ERG28: variants seen among roughly 807,000 people sequenced by gnomAD.
ERG28 encodes ergosterol biosynthesis 28 homolog.
In ERG28, 9 loss-of-function variants were observed where a neutral mutation model predicts 15.7. The observed-to-expected ratio is 0.57, with a 90% CI of 0.35 to 1.00. The LOEUF is 1.00. Among genes scored for constraint, ERG28 ranks in the 50% least tolerant of loss-of-function variants. The probability of loss-of-function intolerance (pLI) is 0.02; values close to 1 mark genes in which losing one functional copy is unlikely to be tolerated. For synonymous variants in ERG28, 61 were observed against 68.4 expected, an observed-to-expected ratio of 0.89 and a Z score of 0.53; for missense variants, 117 against 173.3, an observed-to-expected ratio of 0.68 and a Z score of 1.82.
intron 1 of ERG28, among the ~76,000 whole-genome samples, chr14:75,657,773 C>A (rs1594823921): frequency 1.3e-5 from 2 of 152,232 alleles, no homozygotes; most frequent in East Asian, 3.9e-4. Context: ...TCTATCTTTA[C>A]TTCTATACCT....
chr14:75,659,310 A>C (rs979138974), intron 1 of ERG28, among the ~76,000 whole-genome samples: 3 of 152,224 alleles, frequency 2.0e-5, no homozygotes, highest in Non-Finnish European at 2.9e-5. Context: ...TTCAAGTTGT[A>C]TGGAAAATAC....
At chr14:75,653,472 C>T (rs534347091) in intron 3 of ERG28, among the ~76,000 whole-genome samples, 37 of 151,614 alleles carry the variant, frequency 2.4e-4, no homozygotes, top group Non-Finnish European at 4.7e-4. Context: ...CATGGTGGTG[C>T]GCGCCTGTAA....
intron 3 of ERG28, among the ~76,000 whole-genome samples, 198 bp from the exon 4 acceptor site, chr14:75,652,087 G>C (rs1890533638): frequency 6.6e-6 from 1 of 152,216 alleles, no homozygotes; most frequent in South Asian, 2.1e-4. Context: ...GGTTTCAACT[G>C]CTAAACTGAG....
At chr14:75,660,690 C>T (rs1451723174) in intron 1 of ERG28, 85 bp downstream of exon 1, 1 of 152,338 alleles carries the variant, frequency 6.6e-6, no homozygotes, top group Non-Finnish European at 1.5e-5. Context: ...TCCATCCCAC[C>T]TCCATTTTTC....
intron 3 of ERG28, among the ~76,000 whole-genome samples, chr14:75,653,298 C>T (rs1290484635): frequency 6.6e-6 from 1 of 151,820 alleles, no homozygotes; most frequent in African/African-American, 2.4e-5. Flanking sequence ...TAAATGGTAA[C>T]TGAGGTAAAG....
intron 1 of ERG28, among the ~76,000 whole-genome samples, chr14:75,658,406 A>G (rs1890625692): frequency 6.6e-6 from 1 of 152,174 alleles, no homozygotes; most frequent in Admixed American, 6.5e-5. Context: ...AAGCAATATT[A>G]AAACAATTGC....
chr14:75,660,336 A>G (rs1284624845), intron 1 of ERG28, among the ~76,000 whole-genome samples: 3 of 152,178 alleles, frequency 2.0e-5, no homozygotes, highest in African/African-American at 4.8e-5. Flanking sequence ...AGCCCAGCCC[A>G]GCATAGGTGT....
At chr14:75,659,283 C>G (rs1890640002) in intron 1 of ERG28, among the ~76,000 whole-genome samples, 1 of 152,308 alleles carries the variant, frequency 6.6e-6, no homozygotes. Flanking sequence ...GAAAAGCATA[C>G]CATATCCACT....
At position 75,660,185 on chromosome 14, in the gene ERG28, T is replaced by C. The variant is rs17103557; in HGVS notation, c.-32+590A>G. Among the ~76,000 whole-genome samples the C allele has an allele frequency of 4.4e-3, 670 of 152,332 alleles. 22 individuals are homozygous for C. In the East Asian group the frequency reaches 0.048, roughly 11 times the overall value. On this transcript the variant is annotated intron_variant, in intron 1 of 4. Transcript: ENST00000256319. ...GTTATCTGTTAGAAATCCCAACAGA[T>C]AGCTGATGAGGACAGAGCCTGAGCA... is the stretch of plus-strand genomic sequence containing the variant.
In ERG28 at chr14:75,651,942, G is replaced by A. The variant is rs1890532348; in HGVS notation, c.225-53C>T. On this transcript the variant is annotated intron_variant, in intron 3 of 4. Transcript: ENST00000256319. Reference sequence around the variant, plus strand: ...CCAAAGTTACTGTTTGTTCAGAACAGAGGAAAAGTATCAGACTTCATACAG... The same window carrying A: ...CCAAAGTTACTGTTTGTTCAGAACAAAGGAAAAGTATCAGACTTCATACAG... 7 of 1,476,734 alleles carry A rather than the reference G, an allele frequency of 4.7e-6. No homozygotes were observed. In the East Asian group the frequency reaches 1.4e-4, roughly 29 times the overall value. 91.5% of individuals were successfully genotyped at this position (1,476,734 alleles called of 1,614,324 possible). A position where few individuals can be genotyped will look rare whatever the true frequency, so the allele number is the denominator to read the frequency against.
chr14:75,660,186 A>G (rs904045832), intron 1 of ERG28, among the ~76,000 whole-genome samples: 2 of 152,256 alleles, frequency 1.3e-5, no homozygotes, highest in African/African-American at 2.4e-5. Flanking sequence ...CCCAACAGAT[A>G]GCTGATGAGG....
intron 2 of ERG28, among the ~76,000 whole-genome samples, chr14:75,656,610 C>T (rs570757981): frequency 6.8e-4 from 103 of 152,262 alleles, no homozygotes; most frequent in African/African-American, 2.4e-3. Context: ...TAGGTCAGAG[C>T]CTGAATCTGG....
chr14:75,659,874 C>A (rs1295686638), intron 1 of ERG28, among the ~76,000 whole-genome samples: 1 of 149,784 alleles, frequency 6.7e-6, no homozygotes, highest in Non-Finnish European at 1.5e-5. Flanking sequence ...GCCGCCCCCC[C>A]CCGCCAACTC....
intron 1 of ERG28, among the ~76,000 whole-genome samples, chr14:75,658,606 T>G (rs1050411013): frequency 2.0e-5 from 3 of 152,208 alleles, no homozygotes; most frequent in African/African-American, 4.8e-5. Context: ...CTTTTTGACG[T>G]ATAGAGCCTA....
At chr14:75,660,453 A>G (rs548436827) in intron 1 of ERG28, among the ~76,000 whole-genome samples, 5 of 152,160 alleles carry the variant, frequency 3.3e-5, no homozygotes, top group Non-Finnish European at 7.4e-5. Flanking sequence ...CGGTTTCCTC[A>G]TCTGCAAAAT....
Position 75,657,435 on chromosome 14 carries a change from G to A in ERG28, c.68C>T (p.Thr23Met), listed in dbSNP as rs775341645. The A allele has an allele frequency of 8.7e-6, 14 of 1,613,878 alleles. No homozygotes were observed. The East Asian group carries it at 1.3e-4, about 15-fold the overall frequency. ...AGTGTGGTCTCGGAAGCTCTGCAGCGTGTTCCCCATGGCTATGATGGACAC... is the reference window on the plus strand; with the variant it reads ...AGTGTGGTCTCGGAAGCTCTGCAGCATGTTCCCCATGGCTATGATGGACAC... ...VMVSIIAMGN[T>M]LQSFRDHTFL... Residue 23 changes from threonine (T) to methionine (M), a missense_variant, in exon 2 of 5, where the codon ACG becomes ATG. Transcript: ENST00000256319.
chr14:75,656,396 AAGGGC>A (rs747868427), intron 2 of ERG28, among the ~76,000 whole-genome samples: 3 of 151,940 alleles, frequency 2.0e-5, no homozygotes, highest in Non-Finnish European at 2.9e-5. Flanking sequence ...TTTAAACTCA[AAGGGC>A]TAGACCAGAT....
At chr14:75,652,696 A>T (rs1003681299) in intron 3 of ERG28, among the ~76,000 whole-genome samples, 1 of 152,124 alleles carries the variant, frequency 6.6e-6, no homozygotes, top group Non-Finnish European at 1.5e-5. Flanking sequence ...ATAAAAACTT[A>T]CAGAGAAGAG....
At position 75,655,835 on chromosome 14, in the gene ERG28, G is replaced by A. The variant is rs915896729; in HGVS notation, c.134-859C>T. Among the ~76,000 whole-genome samples the A allele has an allele frequency of 1.4e-4, 22 of 152,272 alleles. No homozygotes were observed. The South Asian group carries it at 4.4e-3, about 30-fold the overall frequency. On this transcript the variant is annotated intron_variant, in intron 2 of 4. Transcript: ENST00000256319. ...ATTGAGCTAAGGCATCCAGTGGCTC[G>A]GGGATGCCAAAACAGTGAAAGCAAA...
Sources: gnomAD v4.1 joint callset for allele counts (sites outside exome capture counted in the v4.1 genomes callset) on GRCh38, gnomAD v4.1.1 for gene constraint, MANE v1.5 for transcripts, NCBI Gene and HGNC (gene_info 2026-07-23, HGNC 2026-07-21) for gene names.